The following TMEM161B variants were observed in gnomAD, a reference collection of about 807,000 sequenced individuals.
TMEM161B encodes the protein transmembrane protein 161B.
In TMEM161B, 34 loss-of-function variants were observed where a neutral mutation model predicts 61.8. The observed-to-expected ratio is 0.55, with a 90% CI of 0.42 to 0.73. The LOEUF (loss-of-function observed/expected upper bound fraction) is 0.73. Ranked by LOEUF, TMEM161B falls within the 30% of genes least tolerant of loss-of-function variation. TMEM161B has a pLI of 0.00. For synonymous variants in TMEM161B, 167 were observed against 192.8 expected (o/e 0.87, Z 1.11); for missense variants, 456 against 558.5 (o/e 0.82, Z 1.85).
chr5:88,206,563 T>C, intron 6 of TMEM161B, 64 bp from the exon 7 acceptor site: 2 of 1,391,910 alleles, frequency 1.4e-6, no homozygotes, highest in Admixed American at 2.6e-5. Flanking sequence ...ACAGAATCTT[T>C]CCATGGAAAT....
chr5:88,191,982 GTATATATATA>G (rs67658909), downstream of TMEM161B, among the ~76,000 whole-genome samples: 3,364 of 19,460 alleles, frequency 0.17, 440 homozygotes, highest in East Asian at 0.4. Flanking sequence ...AAAAAAAAGT[GTATATATATA>G]TATATATATA....
intron 4 of TMEM161B, among the ~76,000 whole-genome samples, chr5:88,224,749 CT>C (rs1461188636): frequency 6.6e-6 from 1 of 152,148 alleles, no homozygotes; most frequent in African/African-American, 2.4e-5. Context: ...TCTGCCACCC[CT>C]GACCAGCAAG....
chr5:88,264,897 C>G (rs1305479701), intron 1 of TMEM161B, among the ~76,000 whole-genome samples: 4 of 151,320 alleles, frequency 2.6e-5, no homozygotes, highest in African/African-American at 9.7e-5. Context: ...AACACATGGA[C>G]ACAGAGGGGG....
At chr5:88,252,214 G>C (rs1035268804) in intron 1 of TMEM161B, among the ~76,000 whole-genome samples, 15 of 152,118 alleles carry the variant, frequency 9.9e-5, no homozygotes, top group African/African-American at 3.6e-4. Flanking sequence ...TGTGAACACA[G>C]AAGGTATTTG....
chr5:88,217,767 G>A (rs1006840106), intron 5 of TMEM161B, among the ~76,000 whole-genome samples: 3 of 152,018 alleles, frequency 2.0e-5, no homozygotes, highest in Non-Finnish European at 4.4e-5. Context: ...TGTGCTCAAA[G>A]CTTCCCTTCA....
intron 5 of TMEM161B, among the ~76,000 whole-genome samples, chr5:88,208,178 C>T (rs1745912682): frequency 6.6e-6 from 1 of 151,976 alleles, no homozygotes; most frequent in African/African-American, 2.4e-5. Flanking sequence ...GGCGAAACCC[C>T]GTCTCTACTT....
chr5:88,264,230 C>G (rs556981932), intron 1 of TMEM161B, among the ~76,000 whole-genome samples: 146 of 151,160 alleles, frequency 9.7e-4, no homozygotes, highest in African/African-American at 3.3e-3. Flanking sequence ...GGAACTTAAA[C>G]AAATTTACAA....
rs1754762403 is a variant in TMEM161B at position 88,254,818 on chromosome 5, A to T, written c.4-13902T>A. Among the ~76,000 whole-genome samples, 6 of 151,988 alleles carry T rather than the reference A, an allele frequency of 3.9e-5. No homozygotes were observed. The South Asian group carries it at 1.0e-3, about 26-fold the overall frequency. On this transcript the variant is annotated intron_variant, in intron 1 of 11. Transcript: ENST00000296595. ...GAGTGCACCACTGTACTCCGGCCTGACAAAGTGAGACCCTCTGTAACTGTA... is the reference window on the plus strand; with the variant it reads ...GAGTGCACCACTGTACTCCGGCCTGTCAAAGTGAGACCCTCTGTAACTGTA...
intron 1 of TMEM161B, among the ~76,000 whole-genome samples, chr5:88,252,186 T>G (rs1004771841): frequency 1.1e-4 from 16 of 152,106 alleles, no homozygotes; most frequent in Non-Finnish European, 2.4e-4. Flanking sequence ...AGAAGGGAAT[T>G]TCAGGCTAAA....
intron 1 of TMEM161B, among the ~76,000 whole-genome samples, chr5:88,248,580 T>C (rs956923238): frequency 1.3e-5 from 2 of 152,032 alleles, no homozygotes; most frequent in Non-Finnish European, 2.9e-5. Context: ...AGAGATTTCT[T>C]CCAAAATTGT....
At chr5:88,201,911 A>T in intron 9 of TMEM161B, 1 of 226,032 alleles carries the variant, frequency 4.4e-6, no homozygotes, top group South Asian at 5.9e-5. Flanking sequence ...ATATTCCAAG[A>T]CAAACTGGTA....
intron 4 of TMEM161B, among the ~76,000 whole-genome samples, chr5:88,222,103 C>T (rs1749111537): frequency 6.6e-6 from 1 of 152,208 alleles, no homozygotes; most frequent in South Asian, 2.1e-4. Flanking sequence ...AGGTTAACTG[C>T]TTTAGGTTTT....
rs1398697181 is a variant in TMEM161B at position 88,196,096 on chromosome 5, A to G, written c.*115T>C. ...GAAACATTTAATACAAGACATTCTGATATGTTTTTTTTTTCCCATTGTATT... is the reference window on the plus strand; with the variant it reads ...GAAACATTTAATACAAGACATTCTGGTATGTTTTTTTTTTCCCATTGTATT... On this transcript the variant is annotated 3_prime_UTR_variant, in exon 12 of 12. Transcript: ENST00000296595. 11 of 1,455,808 alleles carry G rather than the reference A, an allele frequency of 7.6e-6. No homozygotes were observed. The highest frequency in any genetic ancestry group is 1.4e-5 in the African/African-American group (1 of 69,872). 90.2% of individuals were successfully genotyped at this position (1,455,808 alleles called of 1,614,324 possible).
Position 88,240,846 on chromosome 5 carries a change from T to C in TMEM161B, c.74A>G (p.Tyr25Cys), listed in dbSNP as rs78035319. ...ACAGAGTAGCCATCGAGCAAGAGAA[T>C]AGTGAGGTATAATCTTCTGCATGAC... ...ASVMQKIIPH[Y>C]SLARWLLCNG... The change falls in exon 2 of 12, where the codon TAT (tyrosine) becomes TGT (cysteine). Residue 25 changes from tyrosine to cysteine, a missense_variant. By Grantham distance (194) the Tyr-to-Cys change is radical (BLOSUM62 -2). This residue lies in a region of TMEM161B where 85 missense variants were observed against 111.2 expected (regional missense o/e 0.76). Coordinates refer to ENST00000296595, the MANE Select transcript of TMEM161B (RefSeq NM_153354.5). 1.6e-4 allele frequency: 262 copies of C among 1,611,708 alleles called. No homozygotes were observed. The East Asian group carries it at 4.6e-3, about 28-fold the overall frequency.
intron 4 of TMEM161B, chr5:88,221,708 T>C (rs1256077797): frequency 2.2e-6 from 1 of 456,242 alleles, no homozygotes; most frequent in South Asian, 1.5e-5. Flanking sequence ...TATTCTGGTT[T>C]ACTTCTACCA....
downstream of TMEM161B, among the ~76,000 whole-genome samples, chr5:88,186,261 T>G (rs1411116289): frequency 6.6e-6 from 1 of 152,246 alleles, no homozygotes; most frequent in Non-Finnish European, 1.5e-5. Context: ...AGTCCAACGA[T>G]GCATTGCAAT....
intron 2 of TMEM161B, among the ~76,000 whole-genome samples, 158 bp from the exon 3 acceptor site, chr5:88,228,686 A>G (rs1750473368): frequency 6.6e-6 from 1 of 152,200 alleles, no homozygotes; most frequent in Admixed American, 6.5e-5. Context: ...CTTAAACTTT[A>G]AAAGGGTTTA....
At chr5:88,213,676 TAATA>T (rs1462693367) in intron 5 of TMEM161B, among the ~76,000 whole-genome samples, 7 of 152,144 alleles carry the variant, frequency 4.6e-5, no homozygotes, top group African/African-American at 1.4e-4. Context: ...AATTATAAAT[TAATA>T]AACAGAAATA....
intron 2 of TMEM161B, among the ~76,000 whole-genome samples, chr5:88,239,251 T>C (rs938029935): frequency 5.9e-5 from 9 of 151,996 alleles, no homozygotes; most frequent in African/African-American, 1.7e-4. Context: ...TGAAAATGCA[T>C]GTACACTAAA....
Sources: gnomAD v4.1 joint callset for allele counts (sites outside exome capture counted in the v4.1 genomes callset) on GRCh38, gnomAD v4.1.1 for gene constraint, gnomAD v4.1.1 regional missense constraint, MANE v1.5 for transcripts, NCBI Gene and HGNC (gene_info 2026-07-23, HGNC 2026-07-21) for gene names.